GPC5: variants seen among roughly 807,000 people sequenced by gnomAD.
GPC5 encodes the protein glypican-5.
In GPC5, 47 loss-of-function variants were observed where a neutral mutation model predicts 53.9. The ratio of observed to expected loss-of-function variants is 0.87; its 90% CI spans 0.69 to 1.11. The LOEUF (loss-of-function observed/expected upper bound fraction) is 1.11. GPC5 is among the 50% of genes most tolerant of loss of function. The pLI, the probability that GPC5 is intolerant of heterozygous loss-of-function variation, is 0.00. For missense variants in GPC5, 748 were observed against 713.1 expected, an observed-to-expected ratio of 1.05 and a Z score of -0.56; for synonymous variants, 286 against 263.3, an observed-to-expected ratio of 1.09 and a Z score of -0.84.
chr13:92,741,741 C>T (rs1419225703), intron 7 of GPC5, among the ~76,000 whole-genome samples: 3 of 152,186 alleles, frequency 2.0e-5, no homozygotes, highest in Admixed American at 2.0e-4. Flanking sequence ...CCCCTCTCCC[C>T]CTACACCACA....
intron 7 of GPC5, among the ~76,000 whole-genome samples, chr13:92,284,347 TC>T (rs1453993710): frequency 6.6e-6 from 1 of 152,082 alleles, no homozygotes; most frequent in Non-Finnish European, 1.5e-5. Context: ...CTGAAACTAT[TC>T]CAATCATTAG....
chr13:92,851,805 C>T (rs559811386), intron 7 of GPC5, among the ~76,000 whole-genome samples: 3 of 146,136 alleles, frequency 2.1e-5, no homozygotes, highest in African/African-American at 5.1e-5. Context: ...AGGAGAATGG[C>T]GTGAACCGGA....
chr13:92,014,269 C>T (rs947775737), intron 6 of GPC5, among the ~76,000 whole-genome samples: 1 of 152,134 alleles, frequency 6.6e-6, no homozygotes, highest in Non-Finnish European at 1.5e-5. Context: ...ATGAAAAAAT[C>T]TGTTTTTCTT....
At chr13:91,669,196 G>C (rs780864524) in intron 2 of GPC5, among the ~76,000 whole-genome samples, 2 of 151,458 alleles carry the variant, frequency 1.3e-5, no homozygotes, top group Non-Finnish European at 1.5e-5. Flanking sequence ...GTGCCCCCCC[G>C]ACATTAACTG....
At chr13:92,589,059 T>C (rs532803089) in intron 7 of GPC5, among the ~76,000 whole-genome samples, 1 of 152,334 alleles carries the variant, frequency 6.6e-6, no homozygotes, top group South Asian at 2.1e-4. Flanking sequence ...AGTTTCTTTG[T>C]ATCTGTACTA....
At chr13:92,505,061 A>T (rs575279069) in intron 7 of GPC5, among the ~76,000 whole-genome samples, 1 of 151,674 alleles carries the variant, frequency 6.6e-6, no homozygotes, top group Non-Finnish European at 1.5e-5. Context: ...AACTTTAGAG[A>T]GTCTAAAAGT....
At chr13:91,433,893 C>T (rs542636877) in intron 1 of GPC5, among the ~76,000 whole-genome samples, 5 of 152,052 alleles carry the variant, frequency 3.3e-5, no homozygotes, top group African/African-American at 7.2e-5. Flanking sequence ...GATCGCCAGT[C>T]TAACTGGTGT....
intron 2 of GPC5, among the ~76,000 whole-genome samples, chr13:91,664,821 C>A (rs1410934180): frequency 6.6e-6 from 1 of 152,222 alleles, no homozygotes; most frequent in African/African-American, 2.4e-5. Flanking sequence ...GGACCATTAA[C>A]CACAAGCTTT....
rs72640288 is a variant in GPC5 at position 92,586,811 on chromosome 13, C to T, written c.1562-279471C>T. Among the ~76,000 whole-genome samples the T allele has an allele frequency of 1.2e-3, 177 of 152,216 alleles. 1 individual carries two copies. The highest frequency in any genetic ancestry group is 3.5e-3 in the East Asian group (18 of 5,174). On this transcript the variant is annotated intron_variant, in intron 7 of 7. Transcript: ENST00000377067. ...AAACGGAAATGAAGGTGAAAGAGGTCAAGCATGACCATTCTCTATCAGCAA... is the reference window on the plus strand; with the variant it reads ...AAACGGAAATGAAGGTGAAAGAGGTTAAGCATGACCATTCTCTATCAGCAA...
At position 92,211,628 on chromosome 13, in the gene GPC5, G is replaced by A. The variant is rs571105363; in HGVS notation, c.1561+66639G>A. Among the ~76,000 whole-genome samples, 176 of 152,324 alleles carry A rather than the reference G, an allele frequency of 1.2e-3. 1 individual carries two copies. Among genetic ancestry groups the A allele is most frequent in the African/African-American group, 4.1e-3 (169 of 41,574 alleles). ...TGGGGACAGAAATGTGAATTCTTAG[G>A]ATCTGGGACTTACTGGGTGAGAAAC... On this transcript the variant is annotated intron_variant, in intron 7 of 7. Transcript: ENST00000377067.
At chr13:91,523,046 G>A (rs1369756063) in intron 2 of GPC5, among the ~76,000 whole-genome samples, 1 of 152,140 alleles carries the variant, frequency 6.6e-6, no homozygotes, top group African/African-American at 2.4e-5. Context: ...TGTAAAATGA[G>A]AATTACATAG....
intron 7 of GPC5, among the ~76,000 whole-genome samples, chr13:92,385,784 TATATATATAC>T (rs1452336468): frequency 4.2e-5 from 5 of 117,752 alleles, no homozygotes; most frequent in Non-Finnish European, 8.6e-5. Context: ...TACATATATG[TATATATATAC>T]ATATATACGT....
rs1042999846 is a variant in GPC5, at chr13:91,547,626, C to T, written c.325+98704C>T. Among the ~76,000 whole-genome samples the T allele has an allele frequency of 3.3e-5, 5 of 152,158 alleles. No homozygotes were observed. In the East Asian group the frequency reaches 9.7e-4, roughly 29 times the overall value. On this transcript the variant is annotated intron_variant, in intron 2 of 7. Transcript: ENST00000377067. ...TCAGAGGATAGAACAAGAGGAAATA[C>T]TTCTTCATTCTATGAGGCTAGCTAG...
chr13:91,404,170 A>G (rs1457356564), intron 1 of GPC5, among the ~76,000 whole-genome samples: 1 of 152,198 alleles, frequency 6.6e-6, no homozygotes, highest in East Asian at 1.9e-4. Flanking sequence ...CCACTTTCAC[A>G]TTGTCCTTAT....
chr13:91,636,836 T>C (rs1196483485), intron 2 of GPC5, among the ~76,000 whole-genome samples: 1 of 152,126 alleles, frequency 6.6e-6, no homozygotes, highest in East Asian at 1.9e-4. Flanking sequence ...TGCGTGCCTG[T>C]AGACCTGACA....
chr13:92,719,491 C>T (rs568598734), intron 7 of GPC5, among the ~76,000 whole-genome samples: 4 of 152,288 alleles, frequency 2.6e-5, no homozygotes, highest in African/African-American at 9.6e-5. Context: ...TGCTGCCTCA[C>T]TTCCCATTAA....
intron 2 of GPC5, among the ~76,000 whole-genome samples, chr13:91,688,110 A>T (rs1164009559): frequency 6.6e-6 from 1 of 152,108 alleles, no homozygotes; most frequent in African/African-American, 2.4e-5. Flanking sequence ...CTCCTTGGTA[A>T]ACATGGTATA....
rs34982237 is a variant in GPC5, at chr13:91,900,882, T to G, written c.1281-7055T>G. ...CAAATTCACACAGATGCTTATTTTA[T>G]GAAATGCAATGGGACTACTTACCTG... On this transcript the variant is annotated intron_variant, in intron 5 of 7. Transcript: ENST00000377067. 2.5e-3 allele frequency among the ~76,000 whole-genome samples: 380 copies of G among 152,238 alleles called. 4 individuals carry two copies. The highest frequency in any genetic ancestry group is 8.2e-3 in the African/African-American group (339 of 41,558).
At chr13:92,418,528 C>T (rs1345418397) in intron 7 of GPC5, among the ~76,000 whole-genome samples, 7 of 152,032 alleles carry the variant, frequency 4.6e-5, no homozygotes, top group Admixed American at 4.6e-4. Context: ...AGATAGAGAT[C>T]CTGAGATCAT....
Sources: gnomAD v4.1 joint callset for allele counts (sites outside exome capture counted in the v4.1 genomes callset) on GRCh38, gnomAD v4.1.1 for gene constraint, MANE v1.5 for transcripts, NCBI Gene and HGNC (gene_info 2026-07-23, HGNC 2026-07-21) for gene names.